The following AOAH variants were observed in gnomAD, a reference collection of about 807,000 sequenced individuals.
AOAH encodes the protein acyloxyacyl hydrolase (neutrophil).
A neutral mutation model predicts 92.2 loss-of-function variants in AOAH; 64 were observed. The ratio of observed to expected loss-of-function variants is 0.69; its 90% CI spans 0.57 to 0.86. The LOEUF (loss-of-function observed/expected upper bound fraction) is 0.86, where lower values mean the gene tolerates loss of function less well. AOAH is among the 40% of genes least tolerant of loss of function. AOAH has a pLI of 0.00. For missense variants in AOAH, 656 were observed against 694.6 expected, an observed-to-expected ratio of 0.94 and a Z score of 0.62; for synonymous variants, 263 against 254.5, an observed-to-expected ratio of 1.03 and a Z score of -0.32.
chr7:36,668,877 T>TTCATAATGAAGTTCATTATGAAG (rs1419995688), intron 3 of AOAH, among the ~76,000 whole-genome samples: 1 of 152,244 alleles, frequency 6.6e-6, no homozygotes, highest in Non-Finnish European at 1.5e-5. Flanking sequence ...GAGTGGTGAC[T>TTCATAATGAAGTTCATTATGAAG]TTCAAACTTC....
intron 11 of AOAH, among the ~76,000 whole-genome samples, chr7:36,598,654 A>C (rs1343660244): frequency 1.3e-5 from 2 of 152,212 alleles, no homozygotes; most frequent in Non-Finnish European, 2.9e-5. Context: ...TTTATTTGCC[A>C]GATAATAGAA....
At chr7:36,626,249 A>C (rs1409927169) in intron 6 of AOAH, among the ~76,000 whole-genome samples, 1 of 152,240 alleles carries the variant, frequency 6.6e-6, no homozygotes, top group Non-Finnish European at 1.5e-5. Context: ...CTGAGAAAGA[A>C]AAAGGAGCTG....
At chr7:36,513,708 G>A (rs1790175793) in intron 20 of AOAH, among the ~76,000 whole-genome samples, 1 of 152,206 alleles carries the variant, frequency 6.6e-6, no homozygotes, top group Admixed American at 6.5e-5. Flanking sequence ...CCTGAAGCTG[G>A]CTCCTCAGTC....
At chr7:36,621,802 A>C (rs1273069643) in intron 7 of AOAH, 22 bp from the exon 8 acceptor site, 1 of 1,612,660 alleles carries the variant, frequency 6.2e-7, no homozygotes. Flanking sequence ...GAGCACACAC[A>C]GGAGGGGTTC....
intron 15 of AOAH, among the ~76,000 whole-genome samples, chr7:36,544,763 G>A (rs1562553668): frequency 1.3e-5 from 2 of 152,174 alleles, no homozygotes; most frequent in East Asian, 3.9e-4. Flanking sequence ...GGCAAAATAA[G>A]CCTGATCATT....
At chr7:36,523,424 T>C (rs1461624912) in intron 19 of AOAH, among the ~76,000 whole-genome samples, 1 of 152,160 alleles carries the variant, frequency 6.6e-6, no homozygotes, top group Non-Finnish European at 1.5e-5. Context: ...GAAGGAATGG[T>C]AGGTACCTGC....
chr7:36,616,294 G>A, intron 11 of AOAH, 86 bp downstream of exon 11: 1 of 1,058,768 alleles, frequency 9.4e-7, no homozygotes, highest in Non-Finnish European at 1.4e-6. Flanking sequence ...GCACCTGTGT[G>A]GAGTTGGCAT....
chr7:36,582,598 C>T (rs1180941866), intron 12 of AOAH, among the ~76,000 whole-genome samples: 3 of 152,100 alleles, frequency 2.0e-5, no homozygotes, highest in Non-Finnish European at 2.9e-5. Flanking sequence ...CACTGCATTT[C>T]GGTAGAACAA....
intron 13 of AOAH, among the ~76,000 whole-genome samples, chr7:36,569,549 T>A (rs1787964707): frequency 6.6e-6 from 1 of 151,800 alleles, no homozygotes; most frequent in Admixed American, 6.6e-5. Context: ...TATATATATA[T>A]AAAACTACCA....
intron 11 of AOAH, among the ~76,000 whole-genome samples, chr7:36,606,701 C>T (rs1791027832): frequency 6.6e-6 from 1 of 152,038 alleles, no homozygotes; most frequent in African/African-American, 2.4e-5. Flanking sequence ...ATCTTTCCAC[C>T]TCCTCTTCTT....
Position 36,668,502 on chromosome 7 carries a change from T to C in AOAH, c.290+5441A>G, listed in dbSNP as rs114286227. Among the ~76,000 whole-genome samples the C allele has an allele frequency of 6.9e-3, 1,048 of 152,352 alleles. 11 individuals are homozygous for C. The highest frequency in any genetic ancestry group is 0.024 in the African/African-American group (1,007 of 41,584). ...CTTCTTTTGTTGTTTGTTTGATTTC[T>C]TGGAGGCAGAGTCTCCCCCTGTCAC... On this transcript the variant is annotated intron_variant, in intron 3 of 20. Transcript: ENST00000617537.
chr7:36,711,609 AT>A (rs1798773105), intron 1 of AOAH, among the ~76,000 whole-genome samples: 1 of 152,202 alleles, frequency 6.6e-6, no homozygotes, highest in South Asian at 2.1e-4. Context: ...TGCAATGATA[AT>A]TTAAAAATAA....
chr7:36,585,378 G>T (rs546681472), intron 12 of AOAH, among the ~76,000 whole-genome samples: 21 of 152,150 alleles, frequency 1.4e-4, no homozygotes, highest in Non-Finnish European at 2.2e-4. Flanking sequence ...ATTGGCAAGG[G>T]TGTGGGAAAA....
At chr7:36,576,207 A>G (rs1383352339) in intron 13 of AOAH, among the ~76,000 whole-genome samples, 1 of 152,234 alleles carries the variant, frequency 6.6e-6, no homozygotes, top group Non-Finnish European at 1.5e-5. Flanking sequence ...TTGCACCATC[A>G]GAGAGGGCAG....
intron 4 of AOAH, among the ~76,000 whole-genome samples, chr7:36,648,711 A>T (rs192619192): frequency 2.0e-3 from 301 of 151,668 alleles, no homozygotes; most frequent in Admixed American, 3.0e-3. Flanking sequence ...TCTAGCTTAA[A>T]TTTTTTTCAA....
Position 36,528,145 on chromosome 7 carries a change from GAGA to G in AOAH, c.1522+2270_1522+2272del, listed in dbSNP as rs761554272. Among the ~76,000 whole-genome samples the G allele has an allele frequency of 3.8e-4, 58 of 152,284 alleles. 1 individual carries two copies. The East Asian group carries it at 5.6e-3, about 15-fold the overall frequency. On this transcript the variant is annotated intron_variant, in intron 19 of 20. Coordinates refer to ENST00000617537, the MANE Select transcript of AOAH (RefSeq NM_001637.4). Reference sequence around the variant, plus strand: ...GTGGGGTGCCCACTAACTTCCTGAGGAGAAGATGAAGAAGGCCCTGCACCAAAA... The same window carrying G: ...GTGGGGTGCCCACTAACTTCCTGAGGAGATGAAGAAGGCCCTGCACCAAAA...
intron 2 of AOAH, among the ~76,000 whole-genome samples, chr7:36,675,869 A>G (rs1013949287): frequency 3.3e-5 from 5 of 152,194 alleles, no homozygotes; most frequent in Non-Finnish European, 7.4e-5. Context: ...TCCCATATCA[A>G]CAACATAAAA....
At chr7:36,723,113 C>G (rs1269508142) in intron 1 of AOAH, among the ~76,000 whole-genome samples, 1 of 152,026 alleles carries the variant, frequency 6.6e-6, no homozygotes, top group Non-Finnish European at 1.5e-5. Flanking sequence ...CCATTTGCAG[C>G]ATGTAGCCAT....
chr7:36,585,332 T>C (rs934955427), intron 12 of AOAH, among the ~76,000 whole-genome samples: 11 of 152,100 alleles, frequency 7.2e-5, no homozygotes, highest in Admixed American at 3.9e-4. Context: ...GTTGTTGTTA[T>C]AGTGGAAAAA....
Sources: gnomAD v4.1 joint callset for allele counts (sites outside exome capture counted in the v4.1 genomes callset) on GRCh38, gnomAD v4.1.1 for gene constraint, MANE v1.5 for transcripts, NCBI Gene and HGNC (gene_info 2026-07-23, HGNC 2026-07-21) for gene names.